Variants in DCDC2C observed in about 807,000 individuals in gnomAD.
DCDC2C encodes doublecortin domain-containing protein 2C.
Under a neutral mutation model 45.0 loss-of-function variants are expected in DCDC2C, and 44 were observed. That is an observed-to-expected ratio of 0.98 (90% CI 0.77 to 1.26). DCDC2C has a LOEUF of 1.26. Among genes scored for constraint, DCDC2C ranks in the 50% most tolerant of loss-of-function variants. DCDC2C has a pLI of 0.00. For missense variants in DCDC2C, 447 were observed against 468.9 expected (o/e 0.95, Z 0.43); for synonymous variants, 187 against 178.8 (o/e 1.05, Z -0.37).
intron 10 of DCDC2C, among the ~76,000 whole-genome samples, chr2:3,811,194 G>A (rs1671383336): frequency 6.6e-6 from 1 of 152,150 alleles, no homozygotes; most frequent in Admixed American, 6.5e-5. Context: ...TCACGATATT[G>A]ATTCTTCCTG....
chr2:3,834,305 C>A (rs1015830557), intron 10 of DCDC2C, among the ~76,000 whole-genome samples: 1 of 152,164 alleles, frequency 6.6e-6, no homozygotes, highest in Non-Finnish European at 1.5e-5. Flanking sequence ...TAGTGTTGTG[C>A]AGAGTAGCTT....
chr2:3,726,768 A>G (rs900876249), intron 2 of DCDC2C, among the ~76,000 whole-genome samples: 1 of 152,108 alleles, frequency 6.6e-6, no homozygotes, highest in African/African-American at 2.4e-5. Flanking sequence ...CTCCATGTGC[A>G]GCGCAGAGCC....
At chr2:3,829,284 C>CTTTTTTTTTTTTTTTTTTTT (rs5828893) in intron 10 of DCDC2C, among the ~76,000 whole-genome samples, 1 of 129,592 alleles carries the variant, frequency 7.7e-6, no homozygotes, top group Non-Finnish European at 1.6e-5. Context: ...ATGTCTTTTT[C>CTTTTTTTTTTTTTTTTTTTT]TTTTTTTTTT....
rs150974307 is a variant in DCDC2C, at chr2:3,817,712, G to C, written c.1066-29442G>C. Among the ~76,000 whole-genome samples, 1,398 of 152,304 alleles carry C rather than the reference G, an allele frequency of 9.2e-3. 24 individuals are homozygous for C. Among genetic ancestry groups the C allele is most frequent in the African/African-American group, 0.031 (1,287 of 41,552 alleles). ...GTAACAATTCCAACCACACAGCCCTGCACTTTGGCTGTGTGTAATGAAAAA... is the reference window on the plus strand; with the variant it reads ...GTAACAATTCCAACCACACAGCCCTCCACTTTGGCTGTGTGTAATGAAAAA... On this transcript the variant is annotated intron_variant, in intron 10 of 10. Transcript: ENST00000399143.
At chr2:3,776,223 A>G (rs190828023) in intron 8 of DCDC2C, among the ~76,000 whole-genome samples, 90 of 152,274 alleles carry the variant, frequency 5.9e-4, no homozygotes, top group African/African-American at 2.1e-3. Flanking sequence ...TGGCTGGCAT[A>G]TGAGCACGCT....
intron 10 of DCDC2C, among the ~76,000 whole-genome samples, chr2:3,813,271 C>A (rs942649093): frequency 1.3e-4 from 19 of 151,588 alleles, no homozygotes; most frequent in African/African-American, 4.6e-4. Flanking sequence ...GGAGTTTCAC[C>A]ATGTTGGCCA....
chr2:3,838,562 G>C (rs1194343737), intron 10 of DCDC2C, among the ~76,000 whole-genome samples: 9 of 152,074 alleles, frequency 5.9e-5, no homozygotes, highest in African/African-American at 2.2e-4. Flanking sequence ...AGAAGAAAGG[G>C]GGATGGATGG....
At chr2:3,762,013 C>T (rs1669891872) in intron 6 of DCDC2C, among the ~76,000 whole-genome samples, 1 of 152,104 alleles carries the variant, frequency 6.6e-6, no homozygotes, top group South Asian at 2.1e-4. Flanking sequence ...AGAAGCGGTA[C>T]CTGTCCCCTT....
intron 5 of DCDC2C, 115 bp from the exon 6 acceptor site, chr2:3,754,477 G>T: frequency 1.0e-6 from 1 of 989,094 alleles, no homozygotes; most frequent in East Asian, 2.7e-5. Context: ...TCTGTGGACA[G>T]CTTGCTCCTC....
intron 3 of DCDC2C, among the ~76,000 whole-genome samples, chr2:3,732,332 C>T (rs1002218779): frequency 6.6e-6 from 1 of 152,022 alleles, no homozygotes; most frequent in African/African-American, 2.4e-5. Flanking sequence ...TCGTCTGCCT[C>T]TGGCTGTCAT....
intron 6 of DCDC2C, among the ~76,000 whole-genome samples, chr2:3,757,900 A>G (rs530300913): frequency 2.0e-5 from 3 of 152,282 alleles, no homozygotes; most frequent in Admixed American, 1.3e-4. Flanking sequence ...ACACTGCCCA[A>G]TGGAGTCAGG....
At chr2:3,710,883 A>G (rs1160172328) in intron 2 of DCDC2C, among the ~76,000 whole-genome samples, 1 of 152,218 alleles carries the variant, frequency 6.6e-6, no homozygotes, top group Non-Finnish European at 1.5e-5. Context: ...GGTTGATTCA[A>G]TGACTTTGCT....
At chr2:3,842,475 A>T (rs115566833) in intron 10 of DCDC2C, among the ~76,000 whole-genome samples, 33 of 152,124 alleles carry the variant, frequency 2.2e-4, no homozygotes, top group African/African-American at 6.7e-4. Flanking sequence ...AGTCAAGTGC[A>T]TGGAAGAGTG....
chr2:3,778,891 T>C lies in DCDC2C; in HGVS notation c.1023+7T>C, dbSNP rs561317513. The C allele has an allele frequency of 6.4e-7, 1 of 1,550,692 alleles. No individual in the cohort carries two copies. Among genetic ancestry groups the C allele is most frequent in the Admixed American group, 2.0e-5 (1 of 50,986 alleles). On this transcript the variant is annotated splice_region_variant and intron_variant, in intron 9 of 10. Coordinates refer to ENST00000399143, the MANE Select transcript of DCDC2C (RefSeq NM_001287444.2). ...TGATTTTGAGGGCAACAAGGTGAGT[T>C]CATTTTATTTTGTGTTTAATGGCTT... is the stretch of plus-strand genomic sequence containing the variant.
At chr2:3,830,455 T>G (rs1006279345) in intron 10 of DCDC2C, among the ~76,000 whole-genome samples, 4 of 152,208 alleles carry the variant, frequency 2.6e-5, no homozygotes, top group Non-Finnish European at 5.9e-5. Context: ...GTCGAGGGGC[T>G]GTATCCACTC....
chr2:3,735,342 C>T (rs967576411), intron 3 of DCDC2C, among the ~76,000 whole-genome samples: 3 of 151,602 alleles, frequency 2.0e-5, no homozygotes, highest in Non-Finnish European at 4.4e-5. Context: ...TATACATGTG[C>T]CATGTTGGTG....
At chr2:3,786,175 C>A (rs1228921330) in intron 10 of DCDC2C, among the ~76,000 whole-genome samples, 1 of 152,094 alleles carries the variant, frequency 6.6e-6, no homozygotes, top group East Asian at 1.9e-4. Context: ...TGTGTCCCAC[C>A]GAGCACTGAG....
At chr2:3,833,363 C>A (rs1252649030) in intron 10 of DCDC2C, among the ~76,000 whole-genome samples, 1 of 152,208 alleles carries the variant, frequency 6.6e-6, no homozygotes, top group Non-Finnish European at 1.5e-5. Flanking sequence ...GCCTACCTTA[C>A]CCACTGAGTC....
chr2:3,761,948 C>T lies in DCDC2C; in HGVS notation c.727-5806C>T, dbSNP rs1455163935. Among the ~76,000 whole-genome samples the T allele has an allele frequency of 2.0e-5, 3 of 152,118 alleles. No homozygotes were observed. Among genetic ancestry groups the T allele is most frequent in the East Asian group, 1.9e-4 (1 of 5,196 alleles). ...ACTGCAGAGAAATAAAACCAACATA[C>T]GTGAGGTTCATTTTCTGAAAACATT... is the stretch of plus-strand genomic sequence containing the variant. On this transcript the variant is annotated intron_variant, in intron 6 of 10. Coordinates refer to ENST00000399143, the MANE Select transcript of DCDC2C (RefSeq NM_001287444.2). The surrounding 1 kb of genome is among the most constrained non-coding windows in gnomAD (Gnocchi z 4.3).
Sources: gnomAD v4.1 joint callset for allele counts (sites outside exome capture counted in the v4.1 genomes callset) on GRCh38, gnomAD v4.1.1 for gene constraint, Gnocchi (gnomAD v3.1) non-coding constraint, MANE v1.5 for transcripts, NCBI Gene and HGNC (gene_info 2026-07-23, HGNC 2026-07-21) for gene names.